The following FAM133B variants were observed in gnomAD, a reference collection of about 807,000 sequenced individuals.
FAM133B encodes the protein family with sequence similarity 133 member B.
Under a neutral mutation model 46.4 loss-of-function variants are expected in FAM133B, and 25 were observed. The observed-to-expected ratio is 0.54, with a 90% CI of 0.39 to 0.75. The LOEUF (loss-of-function observed/expected upper bound fraction) is 0.75, where lower values mean the gene tolerates loss of function less well. Ranked by LOEUF, FAM133B falls within the 30% of genes least tolerant of loss-of-function variation. The pLI, the probability that FAM133B is intolerant of heterozygous loss-of-function variation, is 0.00. For synonymous variants in FAM133B, 75 were observed against 86.0 expected (o/e 0.87, Z 0.71); for missense variants, 205 against 277.6 (o/e 0.74, Z 1.86).
In FAM133B at chr7:92,580,076, G is replaced by T. The variant is rs544735508; in HGVS notation, c.123-681C>A. Among the ~76,000 whole-genome samples, 3 of 152,044 alleles carry T rather than the reference G, an allele frequency of 2.0e-5. No individual in the cohort carries two copies. The East Asian group carries it at 5.8e-4, about 29-fold the overall frequency. Reference sequence around the variant, plus strand: ...TACCTGTTTTCCTTCTGGGAAGCTGGAATTTTTTTTAAAAAGAGACAAGGC... The same window carrying T: ...TACCTGTTTTCCTTCTGGGAAGCTGTAATTTTTTTTAAAAAGAGACAAGGC... On this transcript the variant is annotated intron_variant, in intron 2 of 10. Coordinates refer to ENST00000445716, the MANE Select transcript of FAM133B (RefSeq NM_152789.4).
At chr7:92,565,627 C>T (rs951690879) in intron 10 of FAM133B, 3 of 166,812 alleles carry the variant, frequency 1.8e-5, no homozygotes, top group Admixed American at 1.8e-4. Context: ...CCATGCCCGG[C>T]TAATTTTTTG....
chr7:92,576,718 GGTTA>G (rs1360297297), intron 7 of FAM133B, among the ~76,000 whole-genome samples: 1 of 152,146 alleles, frequency 6.6e-6, no homozygotes, highest in Non-Finnish European at 1.5e-5. Context: ...TGACAATCCT[GGTTA>G]GTACAGAACA....
At chr7:92,566,108 T>C in intron 9 of FAM133B, 47 bp from the exon 10 acceptor site, 1 of 1,580,950 alleles carries the variant, frequency 6.3e-7, no homozygotes, top group Non-Finnish European at 8.7e-7. Context: ...AACATGTAAT[T>C]TGTACTCAAG....
At chr7:92,570,507 A>G (rs953042912) in intron 8 of FAM133B, among the ~76,000 whole-genome samples, 1 of 152,074 alleles carries the variant, frequency 6.6e-6, no homozygotes, top group Non-Finnish European at 1.5e-5. Flanking sequence ...TTATGACAAC[A>G]CCCAAAGCAA....
intron 8 of FAM133B, among the ~76,000 whole-genome samples, chr7:92,573,941 T>C (rs1794614517): frequency 6.6e-6 from 1 of 152,120 alleles, no homozygotes; most frequent in South Asian, 2.1e-4. Flanking sequence ...TGTAGTGGCA[T>C]GACCTTGTGG....
At chr7:92,563,691 A>G (rs890906048) in intron 10 of FAM133B, among the ~76,000 whole-genome samples, 5 of 152,194 alleles carry the variant, frequency 3.3e-5, no homozygotes, top group Non-Finnish European at 5.9e-5. Flanking sequence ...CATATCTGAA[A>G]TTAGCACAAC....
Position 92,578,143 on chromosome 7 carries a change from T to G in FAM133B, c.309+7A>C. On this transcript the variant is annotated splice_region_variant and intron_variant, in intron 5 of 10. Transcript: ENST00000445716. ...AACGTTTAGAAAAATGGAAAATTTT[T>G]GCTCACCCTACCAGATTTCTTCTTT... 6.2e-7 allele frequency: 1 copy of G among 1,605,632 alleles called. No homozygotes were observed. Among genetic ancestry groups the G allele is most frequent in the East Asian group, 2.2e-5 (1 of 44,788 alleles).
intron 5 of FAM133B, 107 bp from the exon 6 acceptor site, chr7:92,577,824 T>C: frequency 1.2e-6 from 1 of 863,324 alleles, no homozygotes; most frequent in African/African-American, 1.7e-5. Flanking sequence ...GAGAAACAGA[T>C]GCCATATTCA....
chr7:92,587,796 C>G (rs536854721), intron 1 of FAM133B, among the ~76,000 whole-genome samples: 18 of 152,172 alleles, frequency 1.2e-4, no homozygotes, highest in African/African-American at 4.3e-4. Context: ...AGAGTGAGCA[C>G]TAATGTAAAC....
At chr7:92,575,744 C>G (rs1472397092) in intron 8 of FAM133B, 27 bp downstream of exon 8, 12 of 1,273,550 alleles carry the variant, frequency 9.4e-6, no homozygotes, top group Non-Finnish European at 1.4e-5. Context: ...GACAGACTAT[C>G]TTAAGGCAAT....
At chr7:92,577,563 A>G in intron 6 of FAM133B, 92 bp downstream of exon 6, 1 of 1,099,526 alleles carries the variant, frequency 9.1e-7, no homozygotes, top group Non-Finnish European at 1.3e-6. Context: ...CTGGAAGTCA[A>G]CATTTCTAAC....
rs746489321 is a variant in FAM133B at position 92,577,201 on chromosome 7, T to C, written c.373-6A>G. The stretch of plus-strand genomic sequence containing the variant: ...CGTTTTCCTTGTTTCTTATCCTACA[T>C]AAAATATTTTTAGAAACATTTGCTT... On this transcript the variant is annotated splice_region_variant and splice_polypyrimidine_tract_variant and intron_variant, in intron 6 of 10. Transcript: ENST00000445716. 4.8e-6 allele frequency: 7 copies of C among 1,453,574 alleles called. No individual in the cohort carries two copies. Among genetic ancestry groups the C allele is most frequent in the African/African-American group, 1.5e-5 (1 of 68,938 alleles). The allele number at this position is 1,453,574 out of a possible 1,614,324, so 90.0% of individuals were successfully genotyped here.
chr7:92,588,159 C>T (rs1023223426), intron 1 of FAM133B, among the ~76,000 whole-genome samples: 7 of 152,078 alleles, frequency 4.6e-5, no homozygotes, highest in South Asian at 2.1e-4. Context: ...TTGAAGTGCA[C>T]ACAAAATGTT....
intron 2 of FAM133B, 49 bp from the exon 3 acceptor site, chr7:92,579,444 T>C (rs758059359): frequency 3.0e-6 from 4 of 1,340,652 alleles, no homozygotes; most frequent in East Asian, 2.4e-5. Flanking sequence ...TCAAATTAGA[T>C]AAATGCTTAC....
chr7:92,571,667 T>C (rs1320564121), intron 8 of FAM133B, among the ~76,000 whole-genome samples: 1 of 152,202 alleles, frequency 6.6e-6, no homozygotes, highest in African/African-American at 2.4e-5. Context: ...GTCATTTTGT[T>C]CCAAGAAATG....
intron 1 of FAM133B, among the ~76,000 whole-genome samples, chr7:92,582,843 G>T (rs1310198167): frequency 6.6e-6 from 1 of 152,180 alleles, no homozygotes; most frequent in Non-Finnish European, 1.5e-5. Flanking sequence ...GCAAGGGTTA[G>T]CAAGGATGCA....
At chr7:92,575,071 T>C (rs1039723252) in intron 8 of FAM133B, among the ~76,000 whole-genome samples, 2 of 152,314 alleles carry the variant, frequency 1.3e-5, no homozygotes, top group South Asian at 4.1e-4. Context: ...TTTAACTATA[T>C]AGGTAAGTTA....
intron 1 of FAM133B, 65 bp from the exon 2 acceptor site, chr7:92,581,668 C>T (rs895669919): frequency 1.5e-5 from 19 of 1,254,794 alleles, no homozygotes; most frequent in Non-Finnish European, 2.1e-5. Flanking sequence ...CTCACTTACT[C>T]ATCAAGTAAT....
chr7:92,569,445 T>C (rs1048707722), intron 9 of FAM133B: 25 of 153,296 alleles, frequency 1.6e-4, no homozygotes, highest in Non-Finnish European at 1.5e-5. Flanking sequence ...CACAGCTAAA[T>C]ATCAACTAAA....
Sources: gnomAD v4.1 joint callset for allele counts (sites outside exome capture counted in the v4.1 genomes callset) on GRCh38, gnomAD v4.1.1 for gene constraint, MANE v1.5 for transcripts, NCBI Gene and HGNC (gene_info 2026-07-23, HGNC 2026-07-21) for gene names.